PPP1R37: variants seen among roughly 807,000 people sequenced by gnomAD.
PPP1R37 encodes the protein protein phosphatase 1 regulatory subunit 37, also known as leucine rich repeat containing 68.
A neutral mutation model predicts 61.0 loss-of-function variants in PPP1R37; 21 were observed. That is an observed-to-expected ratio of 0.34 (90% CI 0.24 to 0.50). The LOEUF (loss-of-function observed/expected upper bound fraction) is 0.50. Among genes scored for constraint, PPP1R37 ranks in the 20% least tolerant of loss-of-function variants. The probability of loss-of-function intolerance (pLI) is 0.98; values close to 1 mark genes in which losing one functional copy is unlikely to be tolerated. For missense variants in PPP1R37, 910 were observed against 952.7 expected (o/e 0.96, Z 0.59); for synonymous variants, 443 against 433.5 (o/e 1.02, Z -0.27).
chr19:45,108,322 G>A (rs1328649181), intron 1 of PPP1R37, among the ~76,000 whole-genome samples: 1 of 152,076 alleles, frequency 6.6e-6, no homozygotes, highest in Non-Finnish European at 1.5e-5. Flanking sequence ...CCATTCTCCT[G>A]CCTTAGCCTC....
intron 1 of PPP1R37, among the ~76,000 whole-genome samples, chr19:45,119,897 C>G (rs1200716589): frequency 6.6e-6 from 1 of 152,198 alleles, no homozygotes; most frequent in Non-Finnish European, 1.5e-5. Flanking sequence ...TGCCAGGAAG[C>G]CCGGAGAAGG....
chr19:45,141,323 G>A lies in PPP1R37; in HGVS notation c.449G>A (p.Gly150Asp). The A allele has an allele frequency of 6.5e-7, 1 of 1,535,130 alleles. No homozygotes were observed. Among genetic ancestry groups the A allele is most frequent in the Non-Finnish European group, 8.7e-7 (1 of 1,146,384 alleles). Reference sequence around the variant, plus strand: ...GAGCCCCCGAATCTCTATGCGCAGGGTGCCTCGGCCCTCTTCGACATGATC... The same window carrying A: ...GAGCCCCCGAATCTCTATGCGCAGGATGCCTCGGCCCTCTTCGACATGATC... ...DLEQTNLDED[G>D]ASALFDMIEY... The change falls in exon 5 of 13, where the codon GGT (glycine) becomes GAT (aspartate). Residue 150 changes from glycine to aspartate, a missense_variant and splice_region_variant. Around this residue, in one of 3 missense-constraint regions of PPP1R37, gnomAD observed 280 missense variants for 382.2 expected, o/e 0.73. Coordinates refer to ENST00000221462, the MANE Select transcript of PPP1R37 (RefSeq NM_019121.2).
At chr19:45,118,787 T>C (rs1968301797) in intron 1 of PPP1R37, among the ~76,000 whole-genome samples, 1 of 152,126 alleles carries the variant, frequency 6.6e-6, no homozygotes, top group Non-Finnish European at 1.5e-5. Flanking sequence ...CCACGTTCAC[T>C]GAGCACCTGC....
chr19:45,117,581 G>A (rs112229655), intron 1 of PPP1R37, among the ~76,000 whole-genome samples: 1 of 152,128 alleles, frequency 6.6e-6, no homozygotes, highest in Non-Finnish European at 1.5e-5. Context: ...TTCCTTCTAC[G>A]GTGGGAGGTG....
intron 1 of PPP1R37, among the ~76,000 whole-genome samples, chr19:45,115,058 C>T (rs143415267): frequency 3.7e-4 from 57 of 152,222 alleles, no homozygotes; most frequent in African/African-American, 1.3e-3. Context: ...ATGCATTCAG[C>T]GAGTATTGAG....
At chr19:45,099,502 G>A (rs557012076) in intron 1 of PPP1R37, among the ~76,000 whole-genome samples, 25 of 152,288 alleles carry the variant, frequency 1.6e-4, no homozygotes, top group Non-Finnish European at 3.2e-4. Context: ...CACCACCCCA[G>A]CCCCCTGCCC....
At chr19:45,132,895 A>G (rs1968495894) in intron 1 of PPP1R37, among the ~76,000 whole-genome samples, 1 of 151,950 alleles carries the variant, frequency 6.6e-6, no homozygotes, top group Non-Finnish European at 1.5e-5. Flanking sequence ...TGTGTGTGCT[A>G]AGCACTGGTT....
In PPP1R37 at chr19:45,121,377, G is replaced by A. The variant is rs889518895; in HGVS notation, c.203-17137G>A. Among the ~76,000 whole-genome samples, 3 of 152,220 alleles carry A rather than the reference G, an allele frequency of 2.0e-5. No homozygotes were observed. The highest frequency in any genetic ancestry group is 2.9e-5 in the Non-Finnish European group (2 of 68,040). On this transcript the variant is annotated intron_variant, in intron 1 of 12. Coordinates refer to ENST00000221462, the MANE Select transcript of PPP1R37 (RefSeq NM_019121.2). The surrounding 1 kb of genome is among the most constrained non-coding windows in gnomAD (Gnocchi z 4.2). ...AGTGCATGTGTCAGCCATGGCCCTC[G>A]GCTGTAAGCCCAGAAACAGACCCCT...
chr19:45,145,812 T>TCCCCCCCCCCCCCCCCCCCCCCCCCCCC lies in PPP1R37; in HGVS notation c.1761_1762insCCCCCCCCCCCCCCCCCCCCCCCCCCCC (p.Thr588ProfsTer33). The TCCCCCCCCCCCCCCCCCCCCCCCCCCCC allele has an allele frequency of 2.3e-5, 28 of 1,227,564 alleles. No homozygotes were observed. The highest frequency in any genetic ancestry group is 1.4e-4 in the South Asian group (9 of 64,832). The allele number at this position is 1,227,564 out of a possible 1,614,324, so 76.0% of individuals were successfully genotyped here. On this transcript the variant is annotated frameshift_variant, in exon 11 of 13. Transcript: ENST00000221462. LOFTEE classifies it high-confidence loss of function. Reference sequence around the variant, plus strand: ...GCCCGAGAGGGCAGAGCCCCCTGCGTCCCCCACCCCTCCCTCTCCCCCACC... The same window carrying TCCCCCCCCCCCCCCCCCCCCCCCCCCCC: ...GCCCGAGAGGGCAGAGCCCCCTGCGTCCCCCCCCCCCCCCCCCCCCCCCCCCCCCCCCCACCCCTCCCTCTCCCCCACC...
chr19:45,112,019 AG>A (rs1197693307), intron 1 of PPP1R37, among the ~76,000 whole-genome samples: 2 of 150,008 alleles, frequency 1.3e-5, no homozygotes, highest in African/African-American at 4.9e-5. Flanking sequence ...TCCAGGCTGG[AG>A]TGCAGTGGCA....
chr19:45,115,085 G>A (rs1011027486), intron 1 of PPP1R37, among the ~76,000 whole-genome samples: 14 of 152,176 alleles, frequency 9.2e-5, no homozygotes, highest in African/African-American at 3.4e-4. Flanking sequence ...GCCCAGTCCT[G>A]TACTGGGGAC....
intron 1 of PPP1R37, among the ~76,000 whole-genome samples, chr19:45,125,680 T>C (rs10420717): frequency 0.035 from 5,354 of 152,148 alleles, 316 homozygotes; most frequent in African/African-American, 0.12. Context: ...TGACCGATCA[T>C]TGTAACAGAG....
At chr19:45,140,654 C>T (rs1487454713) in intron 4 of PPP1R37, 48 bp downstream of exon 4, 2 of 1,432,710 alleles carry the variant, frequency 1.4e-6, no homozygotes, top group Non-Finnish European at 1.9e-6. Flanking sequence ...CTCCCGGGCC[C>T]CTTCGAGGTT....
intron 1 of PPP1R37, among the ~76,000 whole-genome samples, chr19:45,112,826 G>T (rs576683873): frequency 2.6e-5 from 4 of 152,090 alleles, no homozygotes; most frequent in Non-Finnish European, 5.9e-5. Context: ...GCAGGTGCTG[G>T]GTGAAGCAGG....
intron 7 of PPP1R37, 68 bp downstream of exon 7, chr19:45,142,526 G>A: frequency 6.8e-7 from 1 of 1,464,732 alleles, no homozygotes; most frequent in Non-Finnish European, 9.2e-7. Flanking sequence ...CCTGCGCTAG[G>A]TGGTGCTGGG....
chr19:45,144,050 A>G (rs112045290), intron 8 of PPP1R37: 5,300 of 153,090 alleles, frequency 0.035, 308 homozygotes, highest in African/African-American at 0.12. Flanking sequence ...CGGAGCCTCA[A>G]TCGCCCAGGC....
chr19:45,102,365 C>T (rs1329186495), intron 1 of PPP1R37, among the ~76,000 whole-genome samples: 1 of 152,236 alleles, frequency 6.6e-6, no homozygotes, highest in Non-Finnish European at 1.5e-5. Flanking sequence ...GCACGGGAGC[C>T]CCCTGGGTGC....
intron 4 of PPP1R37, among the ~76,000 whole-genome samples, chr19:45,140,984 T>C (rs1968603918): frequency 6.6e-6 from 1 of 152,040 alleles, no homozygotes; most frequent in Non-Finnish European, 1.5e-5. Flanking sequence ...TCCTCAGCCT[T>C]GGGAGTCCCC....
intron 1 of PPP1R37, among the ~76,000 whole-genome samples, chr19:45,097,895 A>G (rs1485378801): frequency 6.6e-6 from 1 of 152,134 alleles, no homozygotes; most frequent in East Asian, 1.9e-4. Context: ...TAGCAGAGTG[A>G]CATGTAGCTG....
Sources: allele counts gnomAD v4.1 joint callset (sites outside exome capture counted in the v4.1 genomes callset), GRCh38; gene constraint gnomAD v4.1.1; regional missense constraint gnomAD v4.1.1; non-coding constraint Gnocchi (gnomAD v3.1); transcripts MANE v1.5; gene names NCBI Gene and HGNC (gene_info 2026-07-23, HGNC 2026-07-21).